Variants in ABL2 observed in about 807,000 individuals in gnomAD.
The protein encoded by ABL2 is ABL proto-oncogene 2, non-receptor tyrosine kinase.
A neutral mutation model predicts 107.7 loss-of-function variants in ABL2; 49 were observed. That is an observed-to-expected ratio of 0.45 (90% CI 0.36 to 0.58). The LOEUF is 0.58. ABL2 is among the 20% of genes least tolerant of loss of function. The pLI is 0.00. For synonymous variants in ABL2, 549 were observed against 548.6 expected (o/e 1.00, Z -0.01); for missense variants, 1,245 against 1,457.0 (o/e 0.85, Z 2.37).
intron 1 of ABL2, among the ~76,000 whole-genome samples, chr1:179,205,767 C>T (rs1343253186): frequency 6.6e-6 from 1 of 152,114 alleles, no homozygotes; most frequent in Non-Finnish European, 1.5e-5. Context: ...CCTAGTCTAT[C>T]CTGATTAGAC....
chr1:179,183,436 TAAAG>T lies in ABL2; in HGVS notation c.157+45801_157+45804del, dbSNP rs753175766. ...TAGAAAGTACAGGTTGATTTTCACT[TAAAG>T]GAAGACAATCACAAGGCTGTTAACC... On this transcript the variant is annotated intron_variant, in intron 1 of 11. Coordinates refer to ENST00000502732, the MANE Select transcript of ABL2 (RefSeq NM_007314.4). Among the ~76,000 whole-genome samples, 44 of 152,250 alleles carry T rather than the reference TAAAG, an allele frequency of 2.9e-4. No homozygotes were observed. In the Middle Eastern group the frequency reaches 0.01, roughly 35 times the overall value.
chr1:179,125,302 C>T (rs1424832821), intron 4 of ABL2, among the ~76,000 whole-genome samples: 3 of 152,138 alleles, frequency 2.0e-5, no homozygotes, highest in African/African-American at 7.2e-5. Context: ...GTACTGTGTT[C>T]GCTTCTGTTG....
intron 1 of ABL2, among the ~76,000 whole-genome samples, chr1:179,192,008 A>G (rs1183706845): frequency 2.0e-5 from 3 of 152,222 alleles, no homozygotes; most frequent in Non-Finnish European, 4.4e-5. Flanking sequence ...TTAATTGCAA[A>G]CAAAGTATAA....
intron 1 of ABL2, among the ~76,000 whole-genome samples, chr1:179,171,036 C>T (rs1177857274): frequency 6.6e-6 from 1 of 152,110 alleles, no homozygotes; most frequent in Non-Finnish European, 1.5e-5. Flanking sequence ...AATAATAATC[C>T]CCAACGTAGT....
intron 1 of ABL2, among the ~76,000 whole-genome samples, chr1:179,135,928 C>T (rs1317286800): frequency 7.0e-6 from 1 of 143,854 alleles, no homozygotes; most frequent in South Asian, 2.2e-4. Context: ...CCCCTCTGCC[C>T]GGCCAGCCGC....
In ABL2 at chr1:179,102,821, A is replaced by G. The variant is rs1333523862; in HGVS notation, c.*4897T>C. On this transcript the variant is annotated 3_prime_UTR_variant, in exon 12 of 12. Transcript: ENST00000502732. ...TGAGTATTTTATAATAGGTGAATTAAATTCAGCTATTCTTTTTAGAAAAAG... is the reference window on the plus strand; with the variant it reads ...TGAGTATTTTATAATAGGTGAATTAGATTCAGCTATTCTTTTTAGAAAAAG... 1 of 225,680 alleles carries G rather than the reference A, an allele frequency of 4.4e-6. No homozygotes were observed. The highest frequency in any genetic ancestry group is 8.8e-6 in the Non-Finnish European group (1 of 113,444). The allele number at this position is 225,680 out of a possible 1,614,324, so 14.0% of individuals were successfully genotyped here. A position where few individuals can be genotyped will look rare whatever the true frequency, so the allele number is the denominator to read the frequency against.
intron 1 of ABL2, among the ~76,000 whole-genome samples, chr1:179,213,969 T>C (rs965395381): frequency 1.8e-4 from 27 of 151,984 alleles, no homozygotes; most frequent in African/African-American, 6.5e-4. Context: ...TCTAGAAATA[T>C]CAGTTTTAAT....
At chr1:179,157,566 G>A (rs1292775069) in intron 1 of ABL2, among the ~76,000 whole-genome samples, 1 of 151,768 alleles carries the variant, frequency 6.6e-6, no homozygotes, top group Non-Finnish European at 1.5e-5. Flanking sequence ...TCCAAAATTC[G>A]AAACACTTTT....
At chr1:179,137,712 A>G (rs554616322) in intron 1 of ABL2, 11 of 152,360 alleles carry the variant, frequency 7.2e-5, no homozygotes, top group African/African-American at 2.6e-4. Context: ...ATTAAATTTT[A>G]AAGTTTACAA....
At position 179,145,685 on chromosome 1, in the gene ABL2, T is replaced by G. The variant is rs114320158; in HGVS notation, c.158-12311A>C. Among the ~76,000 whole-genome samples the G allele has an allele frequency of 2.5e-3, 373 of 152,164 alleles. 5 individuals are homozygous for G. Among genetic ancestry groups the G allele is most frequent in the African/African-American group, 8.7e-3 (363 of 41,518 alleles). On this transcript the variant is annotated intron_variant, in intron 1 of 11. Transcript: ENST00000502732. ...TGAGTAGACAATGTAGCAAGTTCAATGCAAAAACTCTGAGGTAGGAAAAGA... is the reference window on the plus strand; with the variant it reads ...TGAGTAGACAATGTAGCAAGTTCAAGGCAAAAACTCTGAGGTAGGAAAAGA...
rs181325504 is a variant in ABL2 at position 179,206,532 on chromosome 1, T to C, written c.157+22709A>G. Among the ~76,000 whole-genome samples, 96 of 151,568 alleles carry C rather than the reference T, an allele frequency of 6.3e-4. 1 individual carries two copies. Among genetic ancestry groups the C allele is most frequent in the Admixed American group, 5.6e-3 (85 of 15,234 alleles). ...AAAAAAAAAAAGCAAGTTCTTTATT[T>C]ACTGACATGAAAGAATGTCCAACAT... On this transcript the variant is annotated intron_variant, in intron 1 of 11. Coordinates refer to ENST00000502732, the MANE Select transcript of ABL2 (RefSeq NM_007314.4).
chr1:179,186,371 T>G (rs1660685194), intron 1 of ABL2, among the ~76,000 whole-genome samples: 1 of 152,142 alleles, frequency 6.6e-6, no homozygotes, highest in Non-Finnish European at 1.5e-5. Flanking sequence ...CATTTCAACT[T>G]CTTTTTTGTT....
chr1:179,133,443 G>A, intron 1 of ABL2, 69 bp from the exon 2 acceptor site: 1 of 1,612,720 alleles, frequency 6.2e-7, no homozygotes, highest in Non-Finnish European at 8.5e-7. Context: ...TCAAGCTAAA[G>A]TCTCCTTTTC....
chr1:179,177,257 C>A (rs997411833), intron 1 of ABL2, among the ~76,000 whole-genome samples: 2 of 152,116 alleles, frequency 1.3e-5, no homozygotes, highest in Non-Finnish European at 2.9e-5. Flanking sequence ...ACCACTGAAC[C>A]CTAGTTGCAA....
intron 9 of ABL2, among the ~76,000 whole-genome samples, chr1:179,112,879 C>A (rs1435476331): frequency 6.6e-6 from 1 of 152,062 alleles, no homozygotes; most frequent in Non-Finnish European, 1.5e-5. Context: ...CTCAGCCTCA[C>A]GATTTGCTGG....
chr1:179,161,307 C>G (rs921743560), intron 1 of ABL2, among the ~76,000 whole-genome samples: 1 of 147,650 alleles, frequency 6.8e-6, no homozygotes, highest in Non-Finnish European at 1.5e-5. Flanking sequence ...CACTTGAACT[C>G]AGGAGTTCAA....
intron 1 of ABL2, among the ~76,000 whole-genome samples, chr1:179,224,438 T>C (rs1663081951): frequency 6.6e-6 from 1 of 151,854 alleles, no homozygotes; most frequent in African/African-American, 2.4e-5. Flanking sequence ...GGCTAATTTT[T>C]GTATTTTTTT....
chr1:179,229,630 C>G lies in ABL2; in HGVS notation c.-233G>C. 1 of 510,566 alleles carries G rather than the reference C, an allele frequency of 2.0e-6. No individual in the cohort carries two copies. Among genetic ancestry groups the G allele is most frequent in the Non-Finnish European group, 3.3e-6 (1 of 301,028 alleles). 31.6% of individuals were successfully genotyped at this position (510,566 alleles called of 1,614,324 possible). A position where few individuals can be genotyped will look rare whatever the true frequency, so the allele number is the denominator to read the frequency against. ...TCCTCCTGTCGCGGCTCCGCGCCCC[C>G]AACGCCGCCGCCGCCGCCGCCGCCA... On this transcript the variant is annotated 5_prime_UTR_variant, in exon 1 of 12. Transcript: ENST00000502732.
At chr1:179,157,608 G>C (rs943850228) in intron 1 of ABL2, among the ~76,000 whole-genome samples, 1 of 152,032 alleles carries the variant, frequency 6.6e-6, no homozygotes, top group Non-Finnish European at 1.5e-5. Flanking sequence ...GGGATACTTA[G>C]CCTGTAATGT....
Sources: allele counts gnomAD v4.1 joint callset (sites outside exome capture counted in the v4.1 genomes callset), GRCh38; gene constraint gnomAD v4.1.1; transcripts MANE v1.5; gene names NCBI Gene and HGNC (gene_info 2026-07-23, HGNC 2026-07-21).